CBR4: variants seen among roughly 807,000 people sequenced by gnomAD.
The protein encoded by CBR4 is 3-oxoacyl-[acyl-carrier-protein] reductase.
In CBR4, 22 loss-of-function variants were observed where a neutral mutation model predicts 21.0. The ratio of observed to expected loss-of-function variants is 1.05; its 90% CI spans 0.75 to 1.50. CBR4 has a LOEUF of 1.50. CBR4 is among the 40% of genes most tolerant of loss of function. The pLI is 0.00. For synonymous variants in CBR4, 100 were observed against 104.4 expected (o/e 0.96, Z 0.26); for missense variants, 302 against 286.3 (o/e 1.05, Z -0.40).
At chr4:168,912,223 A>G (rs1040189792) in intron 2 of CBR4, among the ~76,000 whole-genome samples, 2 of 152,242 alleles carry the variant, frequency 1.3e-5, no homozygotes, top group African/African-American at 4.8e-5. Flanking sequence ...GCAGCTTGCA[A>G]TAAAAATGAC....
intron 3 of CBR4, among the ~76,000 whole-genome samples, chr4:169,005,071 T>C (rs1015487621): frequency 6.6e-6 from 1 of 152,146 alleles, no homozygotes; most frequent in African/African-American, 2.4e-5. Flanking sequence ...TATTAGAATA[T>C]TTATCTACAT....
intron 2 of CBR4, among the ~76,000 whole-genome samples, chr4:168,950,144 T>G (rs1403123850): frequency 1.3e-5 from 2 of 152,150 alleles, no homozygotes; most frequent in African/African-American, 4.8e-5. Context: ...GTTATTTCCT[T>G]TCTTCTGCTG....
chr4:169,003,093 C>T (rs1223908386), intron 3 of CBR4, among the ~76,000 whole-genome samples: 15 of 152,266 alleles, frequency 9.9e-5, no homozygotes, highest in African/African-American at 3.1e-4. Flanking sequence ...GCTCATGGAT[C>T]AAGGGATAAT....
intron 2 of CBR4, among the ~76,000 whole-genome samples, chr4:168,915,684 C>A (rs1435594471): frequency 6.6e-6 from 1 of 152,040 alleles, no homozygotes; most frequent in Non-Finnish European, 1.5e-5. Flanking sequence ...TTTATAGTAG[C>A]CTGCAATTGG....
chr4:168,931,438 G>A (rs572504079), intron 2 of CBR4, among the ~76,000 whole-genome samples: 4 of 152,122 alleles, frequency 2.6e-5, no homozygotes, highest in African/African-American at 7.2e-5. Context: ...AAACAGCTTG[G>A]GAGATTAACT....
At chr4:168,940,957 T>C (rs1763247168) in intron 2 of CBR4, among the ~76,000 whole-genome samples, 1 of 152,118 alleles carries the variant, frequency 6.6e-6, no homozygotes, top group Non-Finnish European at 1.5e-5. Context: ...TATAAATCAT[T>C]CTACTATAAA....
At chr4:168,963,038 T>C (rs187098168) in intron 2 of CBR4, among the ~76,000 whole-genome samples, 161 of 152,310 alleles carry the variant, frequency 1.1e-3, no homozygotes, top group African/African-American at 3.5e-3. Context: ...ATCATTCAGA[T>C]AGTTTAAATA....
chr4:168,922,031 C>T (rs1464927524), intron 2 of CBR4, among the ~76,000 whole-genome samples: 1 of 151,024 alleles, frequency 6.6e-6, no homozygotes, highest in Non-Finnish European at 1.5e-5. Flanking sequence ...GAAATAGTAA[C>T]AGCAGCATGG....
intron 2 of CBR4, among the ~76,000 whole-genome samples, chr4:168,969,538 ACAG>A (rs534730743): frequency 5.9e-5 from 9 of 152,166 alleles, no homozygotes; most frequent in Non-Finnish European, 8.8e-5. Flanking sequence ...TGGTCAGAAA[ACAG>A]CAGCAGAAGG....
At position 168,971,643 on chromosome 4, in the gene CBR4, G is replaced by T. The variant is rs574289035; in HGVS notation, n.169+30428C>A. 7.9e-5 allele frequency among the ~76,000 whole-genome samples: 12 copies of T among 151,958 alleles called. 1 individual carries two copies. In the South Asian group the frequency reaches 2.5e-3, roughly 32 times the overall value. On this transcript the variant is annotated intron_variant and non_coding_transcript_variant, in intron 2 of 3. Coordinates refer to the CBR4 transcript ENST00000509108. ...ATGTCCTCAGCCCACTTTATGATAGGATTATTTGTTTTTTTCTTGCTGATT... is the reference window on the plus strand; with the variant it reads ...ATGTCCTCAGCCCACTTTATGATAGTATTATTTGTTTTTTTCTTGCTGATT...
rs182799106 is a variant in CBR4, at chr4:168,976,807, A to G, written n.169+25264T>C. ...AGTTAGGGTGGGGCAGGAACAAATC[A>G]CAATGGTGGAATGTCATCAGTTAAG... On this transcript the variant is annotated intron_variant and non_coding_transcript_variant, in intron 2 of 3. Coordinates refer to the CBR4 transcript ENST00000509108. Among the ~76,000 whole-genome samples the G allele has an allele frequency of 1.0e-3, 159 of 152,366 alleles. 1 individual carries two copies. Among genetic ancestry groups the G allele is most frequent in the African/African-American group, 3.7e-3 (154 of 41,592 alleles).
rs980294412 is a variant in CBR4, at chr4:168,987,738, T to C, written c.*2412A>G. On this transcript the variant is annotated 3_prime_UTR_variant, in exon 5 of 5. Transcript: ENST00000306193. ...AGGTACAACTCTTGAATATGCAGCG[T>C]AGTCTTCTCTCTTTATTCTGAATAA... The C allele has an allele frequency of 1.0e-6, 1 of 985,054 alleles. No individual in the cohort carries two copies. The highest frequency in any genetic ancestry group is 1.7e-5 in the African/African-American group (1 of 57,246). The allele number at this position is 985,054 out of a possible 1,614,324, so 61.0% of individuals were successfully genotyped here.
intron 3 of CBR4, 39 bp downstream of exon 3, chr4:169,006,716 T>C (rs1268202969): frequency 2.6e-6 from 4 of 1,559,644 alleles, no homozygotes; most frequent in Non-Finnish European, 3.5e-6. Context: ...TGGTATGGTA[T>C]TATGGGATAA....
intron 2 of CBR4, among the ~76,000 whole-genome samples, chr4:168,963,926 T>C (rs1230047953): frequency 6.6e-6 from 1 of 152,126 alleles, no homozygotes; most frequent in Non-Finnish European, 1.5e-5. Context: ...TTTTTTTTAA[T>C]GTCATGCCCA....
chr4:168,951,312 C>G (rs1763534694), intron 2 of CBR4, among the ~76,000 whole-genome samples: 1 of 152,196 alleles, frequency 6.6e-6, no homozygotes, highest in African/African-American at 2.4e-5. Context: ...CCGCCTCGGC[C>G]TCCCAAATGC....
rs528701229 is a variant in CBR4, at chr4:168,896,822, G to GTATT, written n.170-2061_170-2058dup. 9.4e-3 allele frequency among the ~76,000 whole-genome samples: 1,419 copies of GTATT among 151,640 alleles called. 15 individuals carry two copies. Among genetic ancestry groups the GTATT allele is most frequent in the African/African-American group, 0.03 (1,239 of 41,346 alleles). On this transcript the variant is annotated intron_variant and non_coding_transcript_variant, in intron 2 of 3. Transcript: ENST00000509108. ...ATTTATTTATTTATTTTTACTTTAT[G>GTATT]TATTTATTTATTTATTTATTTATTT...
At chr4:168,914,736 G>A (rs1456061317) in intron 2 of CBR4, among the ~76,000 whole-genome samples, 2 of 152,216 alleles carry the variant, frequency 1.3e-5, no homozygotes, top group Admixed American at 1.3e-4. Context: ...AAATAGTCCT[G>A]AGTCTAAATT....
intron 2 of CBR4, among the ~76,000 whole-genome samples, chr4:168,935,710 A>C (rs1763092595): frequency 1.3e-5 from 2 of 152,190 alleles, no homozygotes. Flanking sequence ...CTGCCTCTCT[A>C]GATTCCTCCT....
chr4:169,003,435 T>C (rs1003725677), intron 3 of CBR4, among the ~76,000 whole-genome samples: 3 of 152,224 alleles, frequency 2.0e-5, no homozygotes, highest in African/African-American at 7.2e-5. Flanking sequence ...TATGTATGGA[T>C]AAACAAAGTT....
Sources: gnomAD v4.1 joint callset for allele counts (sites outside exome capture counted in the v4.1 genomes callset) on GRCh38, gnomAD v4.1.1 for gene constraint, MANE v1.5 for transcripts, NCBI Gene and HGNC (gene_info 2026-07-23, HGNC 2026-07-21) for gene names.